KCNN2: variants seen among roughly 807,000 people sequenced by gnomAD.
The protein encoded by KCNN2 is small conductance calcium-activated potassium channel protein 2.
A neutral mutation model predicts 55.5 loss-of-function variants in KCNN2; 24 were observed. The ratio of observed to expected loss-of-function variants is 0.43; its 90% confidence interval spans 0.31 to 0.61. The LOEUF is 0.61. KCNN2 is among the 20% of genes least tolerant of loss of function. The pLI is 0.08. For synonymous variants in KCNN2, 431 were observed against 336.1 expected, an observed-to-expected ratio of 1.28 and a Z score of -3.09; for missense variants, 754 against 853.6, an observed-to-expected ratio of 0.88 and a Z score of 1.45.
chr5:114,361,695 C>A (rs575633378), upstream of KCNN2, among the ~76,000 whole-genome samples: 129 of 152,288 alleles, frequency 8.5e-4, 1 homozygote, highest in Non-Finnish European at 1.4e-3. Context: ...CGCAGGTGAT[C>A]CGGGCAGCGC....
At chr5:114,123,431 C>T (rs1313602162) in intron 1 of KCNN2, among the ~76,000 whole-genome samples, 1 of 59,044 alleles carries the variant, frequency 1.7e-5, no homozygotes, top group East Asian at 2.3e-4. Context: ...GGCGCGATCT[C>T]GGCTCACTGC....
intron 2 of KCNN2, among the ~76,000 whole-genome samples, chr5:114,398,207 A>C (rs992504181): frequency 2.0e-5 from 3 of 152,146 alleles, no homozygotes; most frequent in Non-Finnish European, 4.4e-5. Context: ...ATTTTTGTAT[A>C]TTGTATAAAG....
chr5:114,451,466 G>C (rs1192106128), intron 3 of KCNN2, among the ~76,000 whole-genome samples: 1 of 152,098 alleles, frequency 6.6e-6, no homozygotes, highest in Non-Finnish European at 1.5e-5. Flanking sequence ...GAGAGAAAAG[G>C]GGTTAGCTTT....
chr5:114,271,723 A>G lies in KCNN2; in HGVS notation c.-185+50158A>G, dbSNP rs188216636. 1.4e-4 allele frequency among the ~76,000 whole-genome samples: 21 copies of G among 152,260 alleles called. No individual in the cohort carries two copies. In the East Asian group the frequency reaches 3.1e-3, roughly 22 times the overall value. ...TGTATGGACTACTTTTGTAGTGTTTATATGGTATATAACATTTTTTAAAAT... is the reference window on the plus strand; with the variant it reads ...TGTATGGACTACTTTTGTAGTGTTTGTATGGTATATAACATTTTTTAAAAT... On this transcript the variant is annotated intron_variant, in intron 2 of 10. Transcript: ENST00000512097.
chr5:114,139,899 A>G (rs191492405), intron 1 of KCNN2, among the ~76,000 whole-genome samples: 10 of 151,424 alleles, frequency 6.6e-5, no homozygotes, highest in Admixed American at 4.0e-4. Flanking sequence ...GTAAGACTGA[A>G]TTTTTTTTTC....
Position 114,061,589 on chromosome 5 carries a change from G to A in KCNN2, c.-271+5089G>A, listed in dbSNP as rs533483063. ...AGGGATCTAGTTTGCCACCTTTGTGGGCATGGGGTTTGATTCTGTGAGTTC... is the reference window on the plus strand; with the variant it reads ...AGGGATCTAGTTTGCCACCTTTGTGAGCATGGGGTTTGATTCTGTGAGTTC... On this transcript the variant is annotated intron_variant, in intron 1 of 10. Transcript: ENST00000512097. Among the ~76,000 whole-genome samples, 6 of 152,058 alleles carry A rather than the reference G, an allele frequency of 3.9e-5. No homozygotes were observed. In the East Asian group the frequency reaches 7.7e-4, roughly 20 times the overall value.
intron 2 of KCNN2, among the ~76,000 whole-genome samples, chr5:114,319,630 T>C (rs1281400058): frequency 6.6e-6 from 1 of 152,230 alleles, no homozygotes; most frequent in Admixed American, 6.5e-5. Flanking sequence ...AATAAATCTT[T>C]ATATATTCAG....
chr5:114,163,389 GC>G (rs1752837131), intron 1 of KCNN2, among the ~76,000 whole-genome samples: 1 of 152,096 alleles, frequency 6.6e-6, no homozygotes, highest in South Asian at 2.1e-4. Context: ...AATGATTCCA[GC>G]TTTTGTCTAT....
chr5:114,419,090 G>A (rs1232140213), intron 3 of KCNN2, among the ~76,000 whole-genome samples: 1 of 152,170 alleles, frequency 6.6e-6, no homozygotes, highest in African/African-American at 2.4e-5. Flanking sequence ...CTTAATTTGT[G>A]CTTCTTATTG....
chr5:114,477,947 A>G (rs779950033), intron 5 of KCNN2, among the ~76,000 whole-genome samples: 1 of 152,158 alleles, frequency 6.6e-6, no homozygotes, highest in East Asian at 1.9e-4. Flanking sequence ...TTAACAAGGG[A>G]ACAGAAATTC....
chr5:114,280,881 T>C (rs1755609737), intron 2 of KCNN2, among the ~76,000 whole-genome samples: 1 of 152,168 alleles, frequency 6.6e-6, no homozygotes, highest in South Asian at 2.1e-4. Context: ...TCCAGCCTTG[T>C]TTCCTAAAAC....
chr5:114,228,300 G>A (rs1250997773), intron 2 of KCNN2, among the ~76,000 whole-genome samples: 1 of 151,986 alleles, frequency 6.6e-6, no homozygotes, highest in Non-Finnish European at 1.5e-5. Flanking sequence ...GTTACATGAA[G>A]TAAACAATAG....
At chr5:114,312,434 C>CACACACAT (rs1561566604) in intron 2 of KCNN2, among the ~76,000 whole-genome samples, 3 of 23,442 alleles carry the variant, frequency 1.3e-4, no homozygotes, top group Non-Finnish European at 2.5e-4. Context: ...CACACACACA[C>CACACACAT]ATATATATAT....
At chr5:114,418,236 A>C (rs1759366855) in intron 3 of KCNN2, among the ~76,000 whole-genome samples, 2 of 152,258 alleles carry the variant, frequency 1.3e-5, no homozygotes. Flanking sequence ...AAGGTTAATA[A>C]GGAAATCTGC....
intron 1 of KCNN2, among the ~76,000 whole-genome samples, chr5:114,177,886 C>A (rs1390881010): frequency 6.6e-6 from 1 of 151,978 alleles, no homozygotes; most frequent in African/African-American, 2.4e-5. Context: ...CGGATTAAAT[C>A]AAATAAAAAT....
At chr5:114,457,351 C>T (rs900573996) in intron 3 of KCNN2, among the ~76,000 whole-genome samples, 2 of 152,180 alleles carry the variant, frequency 1.3e-5, no homozygotes, top group Non-Finnish European at 2.9e-5. Context: ...TTTAAGACAT[C>T]ATGCTATAGC....
intron 2 of KCNN2, among the ~76,000 whole-genome samples, chr5:114,309,960 T>G (rs1010799244): frequency 6.6e-6 from 1 of 152,176 alleles, no homozygotes; most frequent in Non-Finnish European, 1.5e-5. Flanking sequence ...CCTTCAGGTT[T>G]CAACCCAAAT....
intron 6 of KCNN2, among the ~76,000 whole-genome samples, chr5:114,492,772 G>A (rs866167032): frequency 6.6e-6 from 1 of 152,008 alleles, no homozygotes; most frequent in Non-Finnish European, 1.5e-5. Flanking sequence ...CTAGGAAATG[G>A]TCTGGCCTCC....
chr5:114,441,937 A>G (rs1760229266), intron 3 of KCNN2, among the ~76,000 whole-genome samples: 1 of 152,228 alleles, frequency 6.6e-6, no homozygotes, highest in Non-Finnish European at 1.5e-5. Flanking sequence ...TGCATGTTTT[A>G]AAACTTAACT....
Sources: allele counts gnomAD v4.1 joint callset (sites outside exome capture counted in the v4.1 genomes callset), GRCh38; gene constraint gnomAD v4.1.1; transcripts MANE v1.5; gene names NCBI Gene and HGNC (gene_info 2026-07-23, HGNC 2026-07-21).